The following C6orf58 variants were observed in gnomAD, a reference collection of about 807,000 sequenced individuals.
C6orf58 encodes the protein protein LEG1 homolog.
A neutral mutation model predicts 37.0 loss-of-function variants in C6orf58; 30 were observed. That is an observed-to-expected ratio of 0.81 (90% confidence interval 0.61 to 1.10). The LOEUF is 1.10. Among genes scored for constraint, C6orf58 ranks in the 50% least tolerant of loss-of-function variants. C6orf58 has a pLI of 0.00. For missense variants in C6orf58, 368 were observed against 387.5 expected, an observed-to-expected ratio of 0.95 and a Z score of 0.42; for synonymous variants, 143 against 134.1, an observed-to-expected ratio of 1.07 and a Z score of -0.46.
At chr6:127,581,417 A>T (rs1376748656) in intron 4 of C6orf58, 135 bp downstream of exon 4, 1 of 369,380 alleles carries the variant, frequency 2.7e-6, no homozygotes, top group Non-Finnish European at 4.8e-6. Flanking sequence ...TGGAGATTAT[A>T]GTGAGGATGT....
chr6:127,591,446 G>A, intron 5 of C6orf58, 97 bp from the exon 6 acceptor site: 1 of 1,068,194 alleles, frequency 9.4e-7, no homozygotes, highest in Non-Finnish European at 1.3e-6. Flanking sequence ...TAAATTAGTA[G>A]AAAGGAAATG....
At chr6:127,587,947 G>A (rs1230388278) in intron 4 of C6orf58, among the ~76,000 whole-genome samples, 1 of 152,180 alleles carries the variant, frequency 6.6e-6, no homozygotes, top group Admixed American at 6.5e-5. Context: ...CTATGTGTGA[G>A]GCTCTGAGTT....
chr6:127,578,537 A>G, intron 1 of C6orf58, 149 bp from the exon 2 acceptor site: 1 of 492,142 alleles, frequency 2.0e-6, no homozygotes, highest in Non-Finnish European at 3.6e-6. Context: ...AAAATAAAAG[A>G]TAAAAAAAGA....
chr6:127,577,257 T>C lies in C6orf58; in HGVS notation c.72T>C (p.Asn24=). The C allele has an allele frequency of 6.2e-7, 1 of 1,613,482 alleles. No homozygotes were observed. Among genetic ancestry groups the C allele is most frequent in the East Asian group, 2.2e-5 (1 of 44,872 alleles). Reference sequence around the variant, plus strand: ...CTGCTTCCTTAGCAGGGACTTCCAATCTCTCAGAGACAGAGCCCCCTCTGT... The same window carrying C: ...CTGCTTCCTTAGCAGGGACTTCCAACCTCTCAGAGACAGAGCCCCCTCTGT... ...SFSASLAGTS[N]LSETEPPLWK... is the part of the protein sequence containing the mutation. Residue 24 remains asparagine, a synonymous_variant, in exon 1 of 6, where the codon AAT becomes AAC. Transcript: ENST00000329722.
intron 2 of C6orf58, among the ~76,000 whole-genome samples, 162 bp downstream of exon 2, chr6:127,578,934 G>T (rs570614676): frequency 6.6e-6 from 1 of 152,152 alleles, no homozygotes; most frequent in South Asian, 2.1e-4. Context: ...CACTTTAAGG[G>T]ATTTAAGAGC....
chr6:127,586,476 C>T lies in C6orf58; in HGVS notation c.675-3611C>T, dbSNP rs184093377. ...AGGTGCAAATTCCCTGTGGCTCCAC[C>T]CCATGCTGCCAGTGAGCATGCGGGC... On this transcript the variant is annotated intron_variant, in intron 4 of 5. Transcript: ENST00000329722. 6.4e-4 allele frequency among the ~76,000 whole-genome samples: 98 copies of T among 152,320 alleles called. 1 individual carries two copies. In the South Asian group the frequency reaches 8.9e-3, roughly 14 times the overall value.
intron 2 of C6orf58, among the ~76,000 whole-genome samples, chr6:127,579,024 C>T (rs1463784697): frequency 6.6e-6 from 1 of 152,086 alleles, no homozygotes; most frequent in Non-Finnish European, 1.5e-5. Flanking sequence ...AAAGCAGTGG[C>T]CTCTGAGGGG....
chr6:127,591,534 C>A lies in C6orf58; in HGVS notation c.914-9C>A, dbSNP rs575203934. On this transcript the variant is annotated splice_polypyrimidine_tract_variant and intron_variant, in intron 5 of 5. Coordinates refer to ENST00000329722, the MANE Select transcript of C6orf58 (RefSeq NM_001010905.3). ...GAGTTTACATGTAATCATTTTGTAT[C>A]TTTTACAGGTTATCTTTGTACAGAA... 1.3e-6 allele frequency: 2 copies of A among 1,515,256 alleles called. No individual in the cohort carries two copies. The highest frequency in any genetic ancestry group is 1.4e-5 in the African/African-American group (1 of 69,266). The allele number at this position is 1,515,256 out of a possible 1,614,324, so 93.9% of individuals were successfully genotyped here. A position where few individuals can be genotyped will look rare whatever the true frequency, so the allele number is the denominator to read the frequency against.
At chr6:127,586,404 A>T (rs1775106708) in intron 4 of C6orf58, among the ~76,000 whole-genome samples, 1 of 151,992 alleles carries the variant, frequency 6.6e-6, no homozygotes, top group South Asian at 2.1e-4. Flanking sequence ...CAGTTTGAAC[A>T]ACAGGCCACC....
intron 4 of C6orf58, 24 bp downstream of exon 4, chr6:127,581,306 C>G (rs746194395): frequency 1.9e-6 from 2 of 1,074,802 alleles, no homozygotes; most frequent in Non-Finnish European, 2.7e-6. Flanking sequence ...TTTAAAGTAT[C>G]TCTATTTAAT....
chr6:127,590,860 C>T (rs1775155341), intron 5 of C6orf58, among the ~76,000 whole-genome samples: 1 of 152,000 alleles, frequency 6.6e-6, no homozygotes, highest in African/African-American at 2.4e-5. Context: ...CTTTATCTAC[C>T]AGTTTGAAAG....
chr6:127,585,433 C>T (rs1051264383), intron 4 of C6orf58, among the ~76,000 whole-genome samples: 1 of 152,094 alleles, frequency 6.6e-6, no homozygotes, highest in African/African-American at 2.4e-5. Context: ...AATTTAAAGA[C>T]TTTAAAGGCA....
intron 2 of C6orf58, 134 bp from the exon 3 acceptor site, chr6:127,580,131 A>G: frequency 1.7e-6 from 1 of 603,630 alleles, no homozygotes; most frequent in South Asian, 2.7e-5. Context: ...TTTGTTCAAT[A>G]TTTTTTTCCT....
At chr6:127,577,549 AT>A (rs1430027316) in intron 1 of C6orf58, 63 bp downstream of exon 1, 1 of 1,443,242 alleles carries the variant, frequency 6.9e-7, no homozygotes, top group African/African-American at 1.4e-5. Context: ...TATTTGGGAA[AT>A]TGGACTCTGT....
intron 2 of C6orf58, among the ~76,000 whole-genome samples, chr6:127,579,368 T>A (rs1775023742): frequency 6.6e-6 from 1 of 152,130 alleles, no homozygotes; most frequent in Admixed American, 6.6e-5. Flanking sequence ...CACGACCACA[T>A]TAAATTTCAC....
At chr6:127,583,240 T>A (rs953465277) in intron 4 of C6orf58, among the ~76,000 whole-genome samples, 2 of 152,174 alleles carry the variant, frequency 1.3e-5, no homozygotes, top group African/African-American at 4.8e-5. Context: ...ACATGGAATA[T>A]CAGTGAAATT....
chr6:127,581,301 A>G lies in C6orf58; in HGVS notation c.674+19A>G, dbSNP rs779286367. On this transcript the variant is annotated intron_variant, in intron 4 of 5. Coordinates refer to ENST00000329722, the MANE Select transcript of C6orf58 (RefSeq NM_001010905.3). The stretch of plus-strand genomic sequence containing the variant: ...AAGACAGGTAAGAATGAATCTTTAA[A>G]GTATCTCTATTTAATATGATAAATA... 6 of 1,131,142 alleles carry G rather than the reference A, an allele frequency of 5.3e-6. No individual in the cohort carries two copies. The Admixed American group carries it at 1.3e-4, about 25-fold the overall frequency. The allele number at this position is 1,131,142 out of a possible 1,614,324, so 70.1% of individuals were successfully genotyped here. A position where few individuals can be genotyped will look rare whatever the true frequency, so the allele number is the denominator to read the frequency against.
chr6:127,584,280 A>T (rs1328436490), intron 4 of C6orf58, among the ~76,000 whole-genome samples: 1 of 152,202 alleles, frequency 6.6e-6, no homozygotes, highest in Non-Finnish European at 1.5e-5. Flanking sequence ...TGAGGTTTTT[A>T]TTGCCTTACC....
chr6:127,581,516 A>G (rs193292623), intron 4 of C6orf58, among the ~76,000 whole-genome samples: 1 of 99,862 alleles, frequency 1.0e-5, no homozygotes, highest in Admixed American at 8.5e-5. Context: ...TGAAAAAACA[A>G]AAAAAAAAGC....
Sources: allele counts gnomAD v4.1 joint callset (sites outside exome capture counted in the v4.1 genomes callset), GRCh38; gene constraint gnomAD v4.1.1; transcripts MANE v1.5; gene names NCBI Gene and HGNC (gene_info 2026-07-23, HGNC 2026-07-21).